The following CDHR4 variants were observed in gnomAD, a reference collection of about 807,000 sequenced individuals.
CDHR4 encodes cadherin related family member 4.
CDHR4 carries 89 observed loss-of-function variants against 88.4 expected under a neutral mutation model. The ratio of observed to expected loss-of-function variants is 1.01; its 90% CI spans 0.85 to 1.20. CDHR4 has a LOEUF of 1.20. Among genes scored for constraint, CDHR4 ranks in the 50% most tolerant of loss-of-function variants. The pLI, the probability that CDHR4 is intolerant of heterozygous loss-of-function variation, is 0.00. For synonymous variants in CDHR4, 368 were observed against 399.2 expected, an observed-to-expected ratio of 0.92 and a Z score of 0.93; for missense variants, 914 against 1,007.2, an observed-to-expected ratio of 0.91 and a Z score of 1.25.
rs2081277320 is a variant in CDHR4, at chr3:49,796,834, G to C, written c.606+88C>G. 3 of 992,342 alleles carry C rather than the reference G, an allele frequency of 3.0e-6. No homozygotes were observed. In the Admixed American group the frequency reaches 6.2e-5, roughly 21 times the overall value. 61.5% of individuals were successfully genotyped at this position (992,342 alleles called of 1,614,324 possible). A position where few individuals can be genotyped will look rare whatever the true frequency, so the allele number is the denominator to read the frequency against. On this transcript the variant is annotated intron_variant, in intron 5 of 18. Transcript: ENST00000412678. ...TGAGAGAGTCAGTATTAGTCAAGGA[G>C]GCCAAGGAGGCCAAGAATAAACAAA...
rs751790710 is a variant in CDHR4 at position 49,795,945 on chromosome 3, G to A, written c.708C>T (p.Phe236=). The A allele has an allele frequency of 1.3e-6, 2 of 1,536,920 alleles. No individual in the cohort carries two copies. The highest frequency in any genetic ancestry group is 2.5e-5 in the South Asian group (2 of 81,314). Residue 236 remains phenylalanine, a splice_region_variant and synonymous_variant, in exon 6 of 19, where the codon TTC becomes TTT. Coordinates refer to ENST00000412678, the MANE Select transcript of CDHR4 (RefSeq NM_001007540.4). The surrounding 1 kb of genome is among the most constrained non-coding windows in gnomAD (Gnocchi z 5.4). ...GTTCCAGGGTAGGGGAGCCTTACAG[G>A]AAGGAGACCTGGCTGGAGGGAACAG... is the stretch of plus-strand genomic sequence containing the variant. ...VLPVPSSQVS[F]LEQAQNITIP...
In CDHR4 at chr3:49,795,493, C is replaced by T. The variant is rs1023086877; in HGVS notation, c.848-114G>A. 1.9e-5 allele frequency: 28 copies of T among 1,490,600 alleles called. No homozygotes were observed. Among genetic ancestry groups the T allele is most frequent in the African/African-American group, 4.2e-5 (3 of 71,942 alleles). The allele number at this position is 1,490,600 out of a possible 1,614,324, so 92.3% of individuals were successfully genotyped here. ...CACCAGATCCATAGGCAAAGGAGGC[C>T]GCTGAGCCTGGCCCTCCTGCTGCCT... On this transcript the variant is annotated intron_variant, in intron 7 of 18. Transcript: ENST00000412678. This position sits in a 1 kb window ranked among gnomAD's most constrained non-coding sequence, Gnocchi z 5.4.
At chr3:49,800,153 A>C (rs571428600), upstream of CDHR4, among the ~76,000 whole-genome samples, 4 of 152,258 alleles carry the variant, frequency 2.6e-5, no homozygotes, top group African/African-American at 9.6e-5. Context: ...CTGCTACCCC[A>C]CAGAGTCTCA....
Position 49,790,864 on chromosome 3 carries a change from T to G in CDHR4, c.2335A>C (p.Asn779His). Residue 779 changes from asparagine to histidine, a missense_variant, in exon 19 of 19, where the codon AAC becomes CAC. Asn to His is a moderately conservative substitution (Grantham distance 68, BLOSUM62 1). Transcript: ENST00000412678. ...DSRTGRDYLFNTHTGARRWL is the reference protein window; with the variant it reads ...DSRTGRDYLFHTHTGARRWL ...CAGCGCCGGGCTCCTGTGTGTGTGT[T>G]AAACAGGTAGTCTCTTCCGGTACCT... is the stretch of plus-strand genomic sequence containing the variant. The G allele has an allele frequency of 1.3e-6, 2 of 1,551,392 alleles. No homozygotes were observed. The highest frequency in any genetic ancestry group is 1.7e-6 in the Non-Finnish European group (2 of 1,146,788).
intron 16 of CDHR4, 28 bp downstream of exon 16, chr3:49,791,875 G>A: frequency 6.4e-7 from 1 of 1,551,550 alleles, no homozygotes; most frequent in Non-Finnish European, 8.7e-7. Context: ...TGGGATCCCA[G>A]GCATAGAAGT....
chr3:49,801,411 A>C (rs1035168817), upstream of CDHR4, among the ~76,000 whole-genome samples: 1 of 151,646 alleles, frequency 6.6e-6, no homozygotes, highest in Non-Finnish European at 1.5e-5. Context: ...ATTTCCTCCC[A>C]CCCCACCTTA....
rs777125796 is a variant in CDHR4 at position 49,793,287 on chromosome 3, A to G, written c.1648T>C (p.Cys550Arg). 4 of 1,551,544 alleles carry G rather than the reference A, an allele frequency of 2.6e-6. No homozygotes were observed. The South Asian group carries it at 3.6e-5, about 14-fold the overall frequency. Residue 550 changes from cysteine to arginine, a missense_variant, in exon 13 of 19, where the codon TGT becomes CGT. Physicochemically the swap from Cys to Arg is radical, Grantham distance 180 (BLOSUM62 -3). Coordinates refer to ENST00000412678, the MANE Select transcript of CDHR4 (RefSeq NM_001007540.4). ...GTGAGTTCCTGAAATGGGGGCTCAC[A>G]CTCGGGGGCATGGTCATTCACATCC... The part of the protein sequence containing the change: ...VEDVNDHAPE[C>R]EPPFQELTIY...
In CDHR4 at chr3:49,798,761, T is replaced by A. The variant is rs1241120695; in HGVS notation, c.495+65A>T. On this transcript the variant is annotated intron_variant, in intron 4 of 18. Coordinates refer to ENST00000412678, the MANE Select transcript of CDHR4 (RefSeq NM_001007540.4). ...CAGGCTGTGCCTGGCCAGGTGGGGGTTAATTTATTCTCTCCATCCCCCCAC... is the reference window on the plus strand; with the variant it reads ...CAGGCTGTGCCTGGCCAGGTGGGGGATAATTTATTCTCTCCATCCCCCCAC... 4 of 1,490,676 alleles carry A rather than the reference T, an allele frequency of 2.7e-6. No individual in the cohort carries two copies. The East Asian group carries it at 9.2e-5, about 34-fold the overall frequency. The allele number at this position is 1,490,676 out of a possible 1,614,324, so 92.3% of individuals were successfully genotyped here.
rs147683073 is a variant in CDHR4 at position 49,791,440 on chromosome 3, C to T, written c.2311+1G>A. The T allele has an allele frequency of 2.6e-3, 4,037 of 1,543,980 alleles. 38 individuals carry two copies. Among genetic ancestry groups the T allele is most frequent in the Middle Eastern group, 0.014 (81 of 5,946 alleles). ...AATAGCTTAGGAAGAGGGGGACTCA[C>T]GGGAGTCCTGTGCTCTGCCATCAAA... On this transcript the variant is annotated splice_donor_variant, in intron 18 of 18. Coordinates refer to ENST00000412678, the MANE Select transcript of CDHR4 (RefSeq NM_001007540.4). LOFTEE classifies it high-confidence loss of function.
chr3:49,796,856 C>T, intron 5 of CDHR4, 66 bp downstream of exon 5: 2 of 1,333,904 alleles, frequency 1.5e-6, no homozygotes, highest in Non-Finnish European at 2.1e-6. Flanking sequence ...CAAGAATAAA[C>T]AAATTTCTAA....
At position 49,795,546 on chromosome 3, in the gene CDHR4, A is replaced by T; in HGVS notation, c.847+82T>A. Reference sequence around the variant, plus strand: ...TCCAAGACCAGGCCCCCAAACAGGAAGGTGAAGAGGTACTATGGGTCACCT... The same window carrying T: ...TCCAAGACCAGGCCCCCAAACAGGATGGTGAAGAGGTACTATGGGTCACCT... On this transcript the variant is annotated intron_variant, in intron 7 of 18. Coordinates refer to ENST00000412678, the MANE Select transcript of CDHR4 (RefSeq NM_001007540.4). The surrounding 1 kb of genome is among the most constrained non-coding windows in gnomAD (Gnocchi z 5.4). 1 of 1,524,442 alleles carries T rather than the reference A, an allele frequency of 6.6e-7. No homozygotes were observed. Among genetic ancestry groups the T allele is most frequent in the South Asian group, 1.2e-5 (1 of 81,288 alleles). 94.4% of individuals were successfully genotyped at this position (1,524,442 alleles called of 1,614,324 possible).
In CDHR4 at chr3:49,794,338, C is replaced by T. The variant is rs187382672; in HGVS notation, c.1279+270G>A. On this transcript the variant is annotated intron_variant, in intron 10 of 18. Coordinates refer to ENST00000412678, the MANE Select transcript of CDHR4 (RefSeq NM_001007540.4). Reference sequence around the variant, plus strand: ...GCGTGAACCCGGGAGGCAGAGCTTGCAGTGAGCCAGGATCGTGCCACTGCA... The same window carrying T: ...GCGTGAACCCGGGAGGCAGAGCTTGTAGTGAGCCAGGATCGTGCCACTGCA... Among the ~76,000 whole-genome samples the T allele has an allele frequency of 2.0e-3, 299 of 151,572 alleles. 2 individuals are homozygous for T. The highest frequency in any genetic ancestry group is 6.9e-3 in the African/African-American group (284 of 41,240).
chr3:49,792,045 A>T, intron 15 of CDHR4, 86 bp from the exon 16 acceptor site: 1 of 1,345,408 alleles, frequency 7.4e-7, no homozygotes, highest in Non-Finnish European at 1.0e-6. Flanking sequence ...ATTCCTTTAT[A>T]TTGGGAACAA....
Position 49,793,291 on chromosome 3 carries a change from G to A in CDHR4, c.1644C>T (p.Pro548=), listed in dbSNP as rs368005921. The change falls in exon 13 of 19, where the codon CCC becomes CCT. Residue 548 remains proline, a synonymous_variant. Coordinates refer to ENST00000412678, the MANE Select transcript of CDHR4 (RefSeq NM_001007540.4). ...GTTCCTGAAATGGGGGCTCACACTC[G>A]GGGGCATGGTCATTCACATCCTGCA... ...IEVEDVNDHA[P]ECEPPFQELT... 28 of 1,551,360 alleles carry A rather than the reference G, an allele frequency of 1.8e-5. No individual in the cohort carries two copies. The highest frequency in any genetic ancestry group is 1.1e-4 in the African/African-American group (8 of 73,020).
chr3:49,799,974 C>T, upstream of CDHR4: 1 of 646,750 alleles, frequency 1.5e-6, no homozygotes, highest in Non-Finnish European at 2.7e-6. Flanking sequence ...GAGTTCTAGA[C>T]CTCTGGCAGG....
chr3:49,793,680 C>T lies in CDHR4; in HGVS notation c.1526G>A (p.Arg509Lys). 17 of 1,551,754 alleles carry T rather than the reference C, an allele frequency of 1.1e-5. No individual in the cohort carries two copies. The highest frequency in any genetic ancestry group is 1.5e-5 in the Non-Finnish European group (17 of 1,147,004). Residue 509 changes from arginine (R) to lysine (K), a missense_variant, in exon 12 of 19, where the codon AGG becomes AAG. Arg to Lys is a conservative substitution (Grantham distance 26). Transcript: ENST00000412678. ...CACAAGGACAGTGAGCCTGTACAGC[C>T]TCTGCTGCTCATAGTCCAAAGGTCC... Reference protein sequence around the residue: ...LLGPLDYEQQRLYRLTVLVID... With the variant: ...LLGPLDYEQQKLYRLTVLVID...
At chr3:49,796,752 A>C (rs2081276266) in intron 5 of CDHR4, among the ~76,000 whole-genome samples, 170 bp downstream of exon 5, 1 of 152,232 alleles carries the variant, frequency 6.6e-6, no homozygotes, top group African/African-American at 2.4e-5. Context: ...TCCAGAGCCC[A>C]GCACAGAACC....
chr3:49,795,703 C>T lies in CDHR4; in HGVS notation c.772G>A (p.Val258Ile), dbSNP rs1184081267. 2.6e-6 allele frequency: 4 copies of T among 1,551,684 alleles called. No individual in the cohort carries two copies. The highest frequency in any genetic ancestry group is 1.7e-4 in the Middle Eastern group (1 of 5,992). The change falls in exon 7 of 19, where the codon GTC becomes ATC. Residue 258 changes from valine to isoleucine, a missense_variant. Transcript: ENST00000412678. The surrounding 1 kb of genome is among the most constrained non-coding windows in gnomAD (Gnocchi z 5.4). ...CGCAGGTCGACACCCCGGGCCTGGA[C>T]CTGAACCACCTCACTACCGGGGGCC... ...NLAPGSEVVQ[V>I]QARGVDLRYE...
At chr3:49,798,219 T>C (rs571179350) in intron 4 of CDHR4, 1 of 151,152 alleles carries the variant, frequency 6.6e-6, no homozygotes, top group Non-Finnish European at 1.5e-5. Flanking sequence ...ATGTTTGTTT[T>C]TTTTTTTTTT....
Sources: allele counts gnomAD v4.1 joint callset (sites outside exome capture counted in the v4.1 genomes callset), GRCh38; gene constraint gnomAD v4.1.1; non-coding constraint Gnocchi (gnomAD v3.1); transcripts MANE v1.5; gene names NCBI Gene and HGNC (gene_info 2026-07-23, HGNC 2026-07-21).